The following SHANK2 variants were observed in gnomAD, a reference collection of about 807,000 sequenced individuals.
The protein encoded by SHANK2 is SH3 and multiple ankyrin repeat domains 2.
Under a neutral mutation model 133.7 loss-of-function variants are expected in SHANK2, and 43 were observed. The ratio of observed to expected loss-of-function variants is 0.32; its 90% CI spans 0.25 to 0.41. The LOEUF is 0.41. SHANK2 is among the 10% of genes least tolerant of loss of function. The probability of loss-of-function intolerance (pLI) is 1.00; values close to 1 mark genes in which losing one functional copy is unlikely to be tolerated. For missense variants in SHANK2, 1,994 were observed against 2,235.8 expected, an observed-to-expected ratio of 0.89 and a Z score of 2.18; for synonymous variants, 1,017 against 952.8, an observed-to-expected ratio of 1.07 and a Z score of -1.24.
intron 2 of SHANK2, among the ~76,000 whole-genome samples, chr11:71,169,754 CAAAAAA>C (rs35339054): frequency 1.1e-5 from 1 of 90,318 alleles, no homozygotes; most frequent in Non-Finnish European, 2.2e-5. Flanking sequence ...GACTCCATCT[CAAAAAA>C]AAAAAAAAAA....
At chr11:70,508,716 C>T (rs1196107076) in intron 17 of SHANK2, among the ~76,000 whole-genome samples, 3 of 152,222 alleles carry the variant, frequency 2.0e-5, no homozygotes, top group East Asian at 3.9e-4. Context: ...CATAGTGAGA[C>T]CCCATTTCTA....
At chr11:70,588,138 C>T (rs1163773140) in intron 17 of SHANK2, among the ~76,000 whole-genome samples, 2 of 152,116 alleles carry the variant, frequency 1.3e-5, no homozygotes, top group African/African-American at 4.8e-5. Flanking sequence ...CGTCTCTTCC[C>T]ATCTCCTTGG....
intron 17 of SHANK2, among the ~76,000 whole-genome samples, chr11:70,606,871 C>T (rs946093366): frequency 1.3e-5 from 2 of 152,186 alleles, no homozygotes; most frequent in African/African-American, 2.4e-5. Context: ...CCCTGTTCTT[C>T]GGCTGTTTTC....
intron 17 of SHANK2, among the ~76,000 whole-genome samples, chr11:70,606,471 T>C (rs1298004935): frequency 8.5e-6 from 1 of 117,302 alleles, no homozygotes; most frequent in Non-Finnish European, 1.6e-5. Flanking sequence ...ATTGTACCAC[T>C]GAACTCCAGC....
rs369035008 is a variant in SHANK2, at chr11:70,803,632, T to C, written c.1663+3370A>G. ...GAGATCTGCACATTTAACAAACTCCTCTCATGTCTCAGATGCAGGGACTTC... is the reference window on the plus strand; with the variant it reads ...GAGATCTGCACATTTAACAAACTCCCCTCATGTCTCAGATGCAGGGACTTC... On this transcript the variant is annotated intron_variant, in intron 13 of 25. Transcript: ENST00000601538. Among the ~76,000 whole-genome samples the C allele has an allele frequency of 1.8e-3, 280 of 152,066 alleles. 6 individuals are homozygous for C. Among genetic ancestry groups the C allele is most frequent in the African/African-American group, 6.4e-3 (266 of 41,486 alleles).
At chr11:71,089,474 GTCTT>G (rs1466087641) in intron 8 of SHANK2, among the ~76,000 whole-genome samples, 1 of 151,620 alleles carries the variant, frequency 6.6e-6, no homozygotes, top group Non-Finnish European at 1.5e-5. Flanking sequence ...ATTTATGTTC[GTCTT>G]TCTATCTCAT....
intron 10 of SHANK2, among the ~76,000 whole-genome samples, chr11:70,915,711 C>T (rs1419559712): frequency 1.3e-5 from 2 of 152,144 alleles, no homozygotes; most frequent in African/African-American, 2.4e-5. Flanking sequence ...CTGCCTGCCT[C>T]GCGGGACGGA....
chr11:70,598,970 C>CT lies in SHANK2; in HGVS notation c.2061+60857dup, dbSNP rs55694435. 6.4e-3 allele frequency among the ~76,000 whole-genome samples: 873 copies of CT among 135,550 alleles called. 11 individuals are homozygous for CT. Among genetic ancestry groups the CT allele is most frequent in the African/African-American group, 0.022 (822 of 36,642 alleles). 88.9% of individuals were successfully genotyped at this position (135,550 alleles called of 152,430 possible). A position where few individuals can be genotyped will look rare whatever the true frequency, so the allele number is the denominator to read the frequency against. On this transcript the variant is annotated intron_variant, in intron 17 of 25. Transcript: ENST00000601538. ...CTAGAGTCAACAGAAATTTTGAAAGCTTTTTTTTTTTTAAAGATCAAGAAC... is the reference window on the plus strand; with the variant it reads ...CTAGAGTCAACAGAAATTTTGAAAGCTTTTTTTTTTTTTAAAGATCAAGAAC...
At chr11:70,945,913 C>T (rs1332518955) in intron 10 of SHANK2, among the ~76,000 whole-genome samples, 2 of 152,064 alleles carry the variant, frequency 1.3e-5, no homozygotes, top group African/African-American at 4.8e-5. Context: ...CACAGCCTCC[C>T]TCTCCACTAA....
chr11:70,496,916 G>A, intron 21 of SHANK2: 1 of 456,002 alleles, frequency 2.2e-6, no homozygotes. Flanking sequence ...GGGTGGGGCT[G>A]GTCATGTCAT....
chr11:70,662,512 G>A (rs1362339267), intron 15 of SHANK2, among the ~76,000 whole-genome samples: 1 of 152,142 alleles, frequency 6.6e-6, no homozygotes, highest in Non-Finnish European at 1.5e-5. Flanking sequence ...GTGGCCGGTC[G>A]GGGAGGGGTG....
chr11:71,246,168 G>A (rs1172368971), intron 1 of SHANK2, among the ~76,000 whole-genome samples: 4 of 152,102 alleles, frequency 2.6e-5, no homozygotes, highest in South Asian at 2.1e-4. Context: ...CCAGGAGCCC[G>A]GAAGTCTGTG....
intron 14 of SHANK2, among the ~76,000 whole-genome samples, chr11:70,759,339 G>C (rs10899443): frequency 0.42 from 63,881 of 151,662 alleles, 14,331 homozygotes; most frequent in East Asian, 0.59. Flanking sequence ...ACAAAAATTA[G>C]CCGGGCGTGG....
intron 2 of SHANK2, 68 bp from the exon 3 acceptor site, chr11:71,147,406 G>A (rs1952677002): frequency 6.0e-6 from 8 of 1,327,782 alleles, no homozygotes; most frequent in Non-Finnish European, 8.2e-6. Context: ...CAGGGGCACG[G>A]TGGACACTGG....
intron 17 of SHANK2, among the ~76,000 whole-genome samples, chr11:70,522,430 C>T (rs115704122): frequency 0.044 from 6,777 of 152,330 alleles, 150 homozygotes; most frequent in Middle Eastern, 0.095. Context: ...TGTCCAGGCA[C>T]GGGCGCCCTC....
At chr11:71,109,573 G>A (rs138276800) in intron 6 of SHANK2, among the ~76,000 whole-genome samples, 162 of 152,312 alleles carry the variant, frequency 1.1e-3, no homozygotes, top group African/African-American at 3.8e-3. Context: ...CGTGCCCAGC[G>A]GGAGGCAGAA....
chr11:70,490,996 C>G (rs571542682), intron 22 of SHANK2, among the ~76,000 whole-genome samples: 1 of 152,326 alleles, frequency 6.6e-6, no homozygotes, highest in African/African-American at 2.4e-5. Flanking sequence ...TGAGCTGTCC[C>G]CAGCTTCCTC....
chr11:70,611,648 T>C (rs1316760192), intron 17 of SHANK2, among the ~76,000 whole-genome samples: 1 of 152,200 alleles, frequency 6.6e-6, no homozygotes, highest in Non-Finnish European at 1.5e-5. Flanking sequence ...AACCATGATT[T>C]CAAAAAGGCT....
intron 14 of SHANK2, among the ~76,000 whole-genome samples, chr11:70,748,211 C>T (rs561391822): frequency 6.6e-6 from 1 of 152,284 alleles, no homozygotes; most frequent in Admixed American, 6.5e-5. Context: ...GAGCTGCTCC[C>T]AGGATACCCA....
Sources: gnomAD v4.1 joint callset for allele counts (sites outside exome capture counted in the v4.1 genomes callset) on GRCh38, gnomAD v4.1.1 for gene constraint, MANE v1.5 for transcripts, NCBI Gene and HGNC (gene_info 2026-07-23, HGNC 2026-07-21) for gene names.